The following CRIM1 variants were observed in gnomAD, a reference collection of about 807,000 sequenced individuals.
CRIM1 encodes cysteine rich transmembrane BMP regulator 1.
Under a neutral mutation model 116.4 loss-of-function variants are expected in CRIM1, and 32 were observed. The ratio of observed to expected loss-of-function variants is 0.27; its 90% CI spans 0.21 to 0.37. The LOEUF is 0.37. Among genes scored for constraint, CRIM1 ranks in the 10% least tolerant of loss-of-function variants. CRIM1 has a pLI of 1.00. For missense variants in CRIM1, 1,331 were observed against 1,354.8 expected (o/e 0.98, Z 0.28); for synonymous variants, 590 against 509.2 (o/e 1.16, Z -2.13).
At chr2:36,457,948 T>C (rs985058192) in intron 4 of CRIM1, among the ~76,000 whole-genome samples, 3 of 152,142 alleles carry the variant, frequency 2.0e-5, no homozygotes, top group Admixed American at 6.5e-5. Context: ...ACACAAGGGC[T>C]TTGCCCTTTT....
chr2:36,422,529 C>T (rs757193355), intron 2 of CRIM1, among the ~76,000 whole-genome samples: 2 of 152,150 alleles, frequency 1.3e-5, no homozygotes, highest in Non-Finnish European at 2.9e-5. Flanking sequence ...AGAGTTATTT[C>T]ACTACTTATC....
chr2:36,371,120 G>A (rs1456803207), intron 1 of CRIM1, among the ~76,000 whole-genome samples: 3 of 152,134 alleles, frequency 2.0e-5, no homozygotes, highest in Non-Finnish European at 4.4e-5. Flanking sequence ...AATGGGTGTG[G>A]TGTCAGGTTT....
chr2:36,435,622 A>G (rs989540729), intron 2 of CRIM1, among the ~76,000 whole-genome samples: 1 of 148,130 alleles, frequency 6.8e-6, no homozygotes, highest in Non-Finnish European at 1.5e-5. Flanking sequence ...AAGTAATCGC[A>G]GTTTTTGTCA....
At chr2:36,442,327 A>G (rs1212044458) in intron 3 of CRIM1, among the ~76,000 whole-genome samples, 1 of 152,028 alleles carries the variant, frequency 6.6e-6, no homozygotes, top group African/African-American at 2.4e-5. Flanking sequence ...TATCAATCAG[A>G]AATGCCTCTG....
intron 4 of CRIM1, among the ~76,000 whole-genome samples, chr2:36,463,982 T>C (rs1677790434): frequency 6.6e-6 from 1 of 152,184 alleles, no homozygotes; most frequent in South Asian, 2.1e-4. Context: ...ATAAATTAAA[T>C]ATTGCTCAAG....
chr2:36,481,505 G>C (rs1490209222), intron 7 of CRIM1, among the ~76,000 whole-genome samples: 1 of 152,210 alleles, frequency 6.6e-6, no homozygotes, highest in African/African-American at 2.4e-5. Flanking sequence ...TGGACACAAA[G>C]ATAAGTAAGA....
intron 4 of CRIM1, among the ~76,000 whole-genome samples, chr2:36,456,786 C>A (rs147897432): frequency 0.014 from 2,093 of 152,208 alleles, 36 homozygotes; most frequent in Non-Finnish European, 0.017. Context: ...TCCACCCCCC[C>A]ACCACCCACC....
chr2:36,367,468 C>T (rs1372647835), intron 1 of CRIM1, among the ~76,000 whole-genome samples: 1 of 152,190 alleles, frequency 6.6e-6, no homozygotes, highest in African/African-American at 2.4e-5. Flanking sequence ...TAAAACCCTT[C>T]AACTTCCCTT....
At chr2:36,492,015 T>G (rs1463892192) in intron 7 of CRIM1, among the ~76,000 whole-genome samples, 1 of 152,182 alleles carries the variant, frequency 6.6e-6, no homozygotes, top group Non-Finnish European at 1.5e-5. Context: ...AAAAAAAATT[T>G]TAATTTGTCT....
At chr2:36,539,528 G>A (rs553657768) in intron 14 of CRIM1, among the ~76,000 whole-genome samples, 116 of 152,322 alleles carry the variant, frequency 7.6e-4, no homozygotes, top group African/African-American at 2.7e-3. Context: ...ACCTTTGAAT[G>A]GGATTTCTCT....
At chr2:36,382,508 C>G (rs1181663010) in intron 1 of CRIM1, among the ~76,000 whole-genome samples, 1 of 152,164 alleles carries the variant, frequency 6.6e-6, no homozygotes, top group Non-Finnish European at 1.5e-5. Context: ...ATGTCCTTTC[C>G]TCTCTTCTCA....
intron 6 of CRIM1, among the ~76,000 whole-genome samples, chr2:36,479,107 G>C (rs886748759): frequency 3.3e-5 from 5 of 152,172 alleles, no homozygotes; most frequent in South Asian, 2.1e-4. Flanking sequence ...TTTACAGTTA[G>C]GGAAGTTGAG....
intron 4 of CRIM1, among the ~76,000 whole-genome samples, chr2:36,443,291 G>A (rs1257638627): frequency 6.6e-6 from 1 of 152,176 alleles, no homozygotes; most frequent in African/African-American, 2.4e-5. Context: ...TAGTAGCAGG[G>A]CATGCACTTA....
At chr2:36,378,419 G>A in intron 1 of CRIM1, 1 of 471,108 alleles carries the variant, frequency 2.1e-6, no homozygotes, top group South Asian at 1.5e-5. Flanking sequence ...AGGAACAAAT[G>A]GTCCCCCAAA....
At chr2:36,535,069 G>A (rs1006857338) in intron 13 of CRIM1, among the ~76,000 whole-genome samples, 1 of 143,398 alleles carries the variant, frequency 7.0e-6, no homozygotes, top group Non-Finnish European at 1.5e-5. Flanking sequence ...ATTCTCATGT[G>A]TATGGAGAGA....
intron 1 of CRIM1, among the ~76,000 whole-genome samples, chr2:36,387,554 C>T (rs1400804483): frequency 6.6e-6 from 1 of 152,176 alleles, no homozygotes; most frequent in East Asian, 1.9e-4. Flanking sequence ...GGATTTTACT[C>T]TCAAAGCAGA....
chr2:36,541,698 G>T (rs1666953577), intron 14 of CRIM1, among the ~76,000 whole-genome samples: 1 of 152,190 alleles, frequency 6.6e-6, no homozygotes, highest in African/African-American at 2.4e-5. Flanking sequence ...CGCAGGTCAA[G>T]TATGAGCACA....
chr2:36,435,320 G>A (rs1174403793), intron 2 of CRIM1, among the ~76,000 whole-genome samples: 2 of 145,432 alleles, frequency 1.4e-5, no homozygotes, highest in Non-Finnish European at 3.0e-5. Flanking sequence ...CAGGATGGCT[G>A]TGTATCTCAC....
At chr2:36,490,842 G>A (rs149302993) in intron 7 of CRIM1, among the ~76,000 whole-genome samples, 109 of 152,216 alleles carry the variant, frequency 7.2e-4, no homozygotes, top group African/African-American at 2.5e-3. Context: ...CTAACCATTG[G>A]CACTTAAGTC....
Sources: gnomAD v4.1 joint callset for allele counts (sites outside exome capture counted in the v4.1 genomes callset) on GRCh38, gnomAD v4.1.1 for gene constraint, MANE v1.5 for transcripts, NCBI Gene and HGNC (gene_info 2026-07-23, HGNC 2026-07-21) for gene names.